PNPLA3: variants seen among roughly 807,000 people sequenced by gnomAD.
PNPLA3 encodes patatin like domain 3, 1-acylglycerol-3-phosphate O-acyltransferase, also known as 1-acylglycerol-3-phosphate O-acyltransferase PNPLA3.
Under a neutral mutation model 43.1 loss-of-function variants are expected in PNPLA3, and 42 were observed. That is an observed-to-expected ratio of 0.97 (90% CI 0.76 to 1.26). The LOEUF is 1.26. Among genes scored for constraint, PNPLA3 ranks in the 50% most tolerant of loss-of-function variants. PNPLA3 has a pLI of 0.00. For missense variants in PNPLA3, 647 were observed against 621.4 expected, an observed-to-expected ratio of 1.04 and a Z score of -0.44; for synonymous variants, 272 against 253.6, an observed-to-expected ratio of 1.07 and a Z score of -0.69.
At chr22:43,943,938 G>GC (rs2050046817) in intron 7 of PNPLA3, among the ~76,000 whole-genome samples, 1 of 152,054 alleles carries the variant, frequency 6.6e-6, no homozygotes. Context: ...ACAGGCATGT[G>GC]CCACCACACC....
Position 43,947,035 on chromosome 22 carries a change from C to A in PNPLA3, c.*653C>A. On this transcript the variant is annotated 3_prime_UTR_variant, in exon 9 of 9. Transcript: ENST00000216180. ...CTGTTGAATTTTGTATTATGTGAAT[C>A]AGTGAGATGTTAGTAGAATAAGCCT... The A allele has an allele frequency of 4.1e-6, 1 of 241,188 alleles. No homozygotes were observed. The highest frequency in any genetic ancestry group is 4.7e-5 in the South Asian group (1 of 21,058). The allele number at this position is 241,188 out of a possible 1,614,324, so 14.9% of individuals were successfully genotyped here.
Position 43,942,706 on chromosome 22 carries a change from T to C in PNPLA3, c.1113-1985T>C, listed in dbSNP as rs575938172. Among the ~76,000 whole-genome samples, 1,005 of 144,996 alleles carry C rather than the reference T, an allele frequency of 6.9e-3. 6 individuals are homozygous for C. Among genetic ancestry groups the C allele is most frequent in the Middle Eastern group, 0.011 (3 of 274 alleles). On this transcript the variant is annotated intron_variant, in intron 7 of 8. Coordinates refer to ENST00000216180, the MANE Select transcript of PNPLA3 (RefSeq NM_025225.3). ...TCCCTTCCATTTTCTTTTTTCTTTT[T>C]TTTTTTTTTTTTTTGAGACAGGGTC...
Position 43,927,081 on chromosome 22 carries a change from G to A in PNPLA3, c.334G>A (p.Gly112Ser), listed in dbSNP as rs372035117. ...GGCCAATGTCCACCAGCTCATCTCCGGCAAAATAGGCATCTCTCTTACCAG... is the reference window on the plus strand; with the variant it reads ...GGCCAATGTCCACCAGCTCATCTCCAGCAAAATAGGCATCTCTCTTACCAG... ...LPANVHQLIS[G>S]KIGISLTRVS... Residue 112 changes from glycine (G) to serine (S), a missense_variant, in exon 2 of 9, where the codon GGC (glycine) becomes AGC (serine). Physicochemically the swap from Gly to Ser is moderately conservative, Grantham distance 56 (BLOSUM62 0). Transcript: ENST00000216180. The A allele has an allele frequency of 2.1e-5, 34 of 1,614,090 alleles. No homozygotes were observed. The highest frequency in any genetic ancestry group is 1.1e-4 in the African/African-American group (8 of 74,932).
intron 7 of PNPLA3, 139 bp downstream of exon 7, chr22:43,940,264 C>T: frequency 9.4e-7 from 1 of 1,069,458 alleles, no homozygotes; most frequent in Admixed American, 2.3e-5. Flanking sequence ...TGTGCAATGC[C>T]CCTGAATGTT....
chr22:43,925,303 G>C (rs1240166480), intron 1 of PNPLA3, among the ~76,000 whole-genome samples: 5 of 152,132 alleles, frequency 3.3e-5, no homozygotes, highest in African/African-American at 1.2e-4. Context: ...TGGGGGTGCA[G>C]ACGGAGGGTT....
chr22:43,942,763 C>T (rs1490039552), intron 7 of PNPLA3, among the ~76,000 whole-genome samples: 1 of 140,086 alleles, frequency 7.1e-6, no homozygotes, highest in East Asian at 2.2e-4. Flanking sequence ...AATGCAGTGA[C>T]CTGATCATGG....
rs146603039 is a variant in PNPLA3, at chr22:43,932,665, C to T, written c.487-213C>T. Among the ~76,000 whole-genome samples the T allele has an allele frequency of 2.4e-3, 369 of 152,300 alleles. 1 individual carries two copies. Among genetic ancestry groups the T allele is most frequent in the Non-Finnish European group, 4.3e-3 (295 of 68,018 alleles). On this transcript the variant is annotated intron_variant, in intron 3 of 8. Transcript: ENST00000216180. ...AGTGCACACACTGTACAACAGTAGA[C>T]GGCAACCCTGAGAGCCAGAGTAGAG...
chr22:43,937,574 C>T (rs1012107333), intron 6 of PNPLA3, among the ~76,000 whole-genome samples: 1 of 152,180 alleles, frequency 6.6e-6, no homozygotes, highest in South Asian at 2.1e-4. Flanking sequence ...GCAGCTGGGC[C>T]CTCTGTACCC....
At position 43,942,986 on chromosome 22, in the gene PNPLA3, G is replaced by A. The variant is rs572022849; in HGVS notation, c.1113-1705G>A. Among the ~76,000 whole-genome samples, 12 of 152,136 alleles carry A rather than the reference G, an allele frequency of 7.9e-5. No individual in the cohort carries two copies. In the South Asian group the frequency reaches 8.3e-4, roughly 11 times the overall value. On this transcript the variant is annotated intron_variant, in intron 7 of 8. Transcript: ENST00000216180. ...CTTCCTGGGTTGGATTCCTGTCTCCGTGTCTGACTTTCTCTCTTTGTCATA... is the reference window on the plus strand; with the variant it reads ...CTTCCTGGGTTGGATTCCTGTCTCCATGTCTGACTTTCTCTCTTTGTCATA...
chr22:43,928,853 C>G lies in PNPLA3; in HGVS notation c.450C>G (p.Phe150Leu), dbSNP rs2146776499. The G allele has an allele frequency of 1.2e-6, 2 of 1,612,590 alleles. No individual in the cohort carries two copies. The highest frequency in any genetic ancestry group is 1.7e-6 in the Non-Finnish European group (2 of 1,178,676). Residue 150 changes from phenylalanine (F) to leucine (L), a missense_variant, in exon 3 of 9, where the codon TTC becomes TTG. Phe to Leu is a conservative substitution (Grantham distance 22). Transcript: ENST00000216180. ...DALVCSCFIP[F>L]YSGLIPPSFR... is the part of the protein sequence containing the mutation. ...TGGTATGTTCCTGCTTCATCCCCTT[C>G]TACAGTGGCCTTATCCCTCCTTCCT...
chr22:43,924,853 T>G (rs922497860), intron 1 of PNPLA3, among the ~76,000 whole-genome samples: 1 of 152,090 alleles, frequency 6.6e-6, no homozygotes, highest in African/African-American at 2.4e-5. Flanking sequence ...TTTCACCGTG[T>G]TAGCCAGGAT....
At chr22:43,946,045 A>G (rs1443012594) in intron 8 of PNPLA3, 109 bp from the exon 9 acceptor site, 2 of 991,862 alleles carry the variant, frequency 2.0e-6, no homozygotes, top group Admixed American at 1.8e-5. Flanking sequence ...GGCACCCTAG[A>G]GTGTGTGTGG....
intron 1 of PNPLA3, among the ~76,000 whole-genome samples, chr22:43,926,171 C>G (rs1263945992): frequency 1.3e-5 from 2 of 152,244 alleles, no homozygotes; most frequent in African/African-American, 2.4e-5. Context: ...GAGGGACAGG[C>G]AGAACCTGCC....
At chr22:43,933,161 A>G in intron 4 of PNPLA3, 74 bp downstream of exon 4, 2 of 1,362,658 alleles carry the variant, frequency 1.5e-6, no homozygotes, top group Non-Finnish European at 2.1e-6. Context: ...AGGAGCTACC[A>G]GTTACTGTCT....
chr22:43,939,765 G>A (rs760684154), intron 6 of PNPLA3, among the ~76,000 whole-genome samples: 13 of 150,548 alleles, frequency 8.6e-5, no homozygotes, highest in Non-Finnish European at 1.9e-4. Context: ...GCAGTGAGCC[G>A]AGATTGCGCC....
intron 7 of PNPLA3, among the ~76,000 whole-genome samples, chr22:43,943,575 T>G (rs2050044596): frequency 6.6e-6 from 1 of 152,310 alleles, no homozygotes; most frequent in Middle Eastern, 3.4e-3. Flanking sequence ...ATCTTGCTCA[T>G]TGGTGAGCTC....
At chr22:43,927,955 T>C (rs1430797083) in intron 2 of PNPLA3, among the ~76,000 whole-genome samples, 7 of 152,156 alleles carry the variant, frequency 4.6e-5, no homozygotes, top group Non-Finnish European at 4.4e-5. Context: ...CAGGTGTGCC[T>C]CTCCCGAGCT....
chr22:43,926,246 T>G (rs1211876323), intron 1 of PNPLA3, among the ~76,000 whole-genome samples: 1 of 152,106 alleles, frequency 6.6e-6, no homozygotes, highest in African/African-American at 2.4e-5. Context: ...AGATCAGATT[T>G]GGGTCAGGAC....
At chr22:43,933,837 G>C (rs575692190) in intron 4 of PNPLA3, among the ~76,000 whole-genome samples, 37 of 152,316 alleles carry the variant, frequency 2.4e-4, no homozygotes, top group African/African-American at 8.4e-4. Flanking sequence ...AAAGAAAGAA[G>C]GCTATGCAAT....
Sources: allele counts gnomAD v4.1 joint callset (sites outside exome capture counted in the v4.1 genomes callset), GRCh38; gene constraint gnomAD v4.1.1; transcripts MANE v1.5; gene names NCBI Gene and HGNC (gene_info 2026-07-23, HGNC 2026-07-21).